Variants in CDKL4 observed in about 807,000 individuals in gnomAD.
CDKL4 encodes cyclin-dependent kinase-like 4.
In CDKL4, 44 loss-of-function variants were observed where a neutral mutation model predicts 42.0. The observed-to-expected ratio is 1.05, with a 90% CI of 0.82 to 1.35. CDKL4 has a LOEUF of 1.35. CDKL4 is among the 40% of genes most tolerant of loss of function. The pLI is 0.00. For missense variants in CDKL4, 393 were observed against 369.9 expected (o/e 1.06, Z -0.51); for synonymous variants, 120 against 121.6 (o/e 0.99, Z 0.09).
At chr2:39,169,172 TC>T in the CDKL4 span, among the ~76,000 whole-genome samples, 1 of 152,238 alleles carries the variant, frequency 6.6e-6, no homozygotes, top group African/African-American at 2.4e-5. Context: ...TAAATGTTCT[TC>T]CTTGATGATA....
intron 4 of CDKL4, 96 bp downstream of exon 4, chr2:39,213,304 C>T: frequency 1.2e-6 from 1 of 803,152 alleles, no homozygotes; most frequent in Non-Finnish European, 2.0e-6. Context: ...TCTTACTTTC[C>T]CTTTGTCTTC....
At chr2:39,203,399 T>C (rs1676973046) in intron 5 of CDKL4, among the ~76,000 whole-genome samples, 4 of 151,964 alleles carry the variant, frequency 2.6e-5, no homozygotes. Flanking sequence ...TGTAGGTTTT[T>C]TCACTTATTT....
chr2:39,206,263 A>C (rs1677182112), intron 4 of CDKL4, among the ~76,000 whole-genome samples: 1 of 152,072 alleles, frequency 6.6e-6, no homozygotes, highest in Non-Finnish European at 1.5e-5. Context: ...TATTTTTAGT[A>C]GAGGCTGGTT....
chr2:39,197,985 C>T (rs1230978337), intron 5 of CDKL4, among the ~76,000 whole-genome samples: 1 of 152,054 alleles, frequency 6.6e-6, no homozygotes, highest in Non-Finnish European at 1.5e-5. Flanking sequence ...TACCTCACAT[C>T]TCAATACTGA....
chr2:39,196,855 C>A (rs1160041716), intron 5 of CDKL4, among the ~76,000 whole-genome samples: 1 of 152,212 alleles, frequency 6.6e-6, no homozygotes, highest in Admixed American at 6.5e-5. Context: ...TATCTGCCCA[C>A]CTTGGCCTCC....
rs552613926 is a variant in CDKL4 at position 39,216,797 on chromosome 2, C to T, written c.291-3325G>A. On this transcript the variant is annotated intron_variant, in intron 3 of 9. Transcript: ENST00000451199. ...GGGCTAGGATTGAGAAACTGCAAAA[C>T]GCCAATTACTAGCCTTAATAACAGG... Among the ~76,000 whole-genome samples the T allele has an allele frequency of 2.4e-4, 36 of 152,176 alleles. No homozygotes were observed. In the South Asian group the frequency reaches 5.6e-3, roughly 24 times the overall value.
At chr2:39,182,730 G>C (rs2148284883) in intron 8 of CDKL4, among the ~76,000 whole-genome samples, 1 of 152,334 alleles carries the variant, frequency 6.6e-6, no homozygotes, top group Admixed American at 6.5e-5. Context: ...TGGACCAGCT[G>C]AAGCTGATAT....
intron 5 of CDKL4, among the ~76,000 whole-genome samples, chr2:39,196,549 A>C (rs1486161313): frequency 6.6e-6 from 1 of 152,224 alleles, no homozygotes; most frequent in East Asian, 1.9e-4. Context: ...CTTCCCTCTG[A>C]CATAGTCTAC....
downstream of CDKL4, among the ~76,000 whole-genome samples, chr2:39,173,965 C>T (rs928897923): frequency 1.3e-5 from 2 of 151,442 alleles, no homozygotes; most frequent in African/African-American, 4.9e-5. Flanking sequence ...GTGACAGAGT[C>T]AGACCCTGTC....
At chr2:39,188,818 T>G (rs1675998929) in intron 6 of CDKL4, among the ~76,000 whole-genome samples, 2 of 152,012 alleles carry the variant, frequency 1.3e-5, no homozygotes, top group African/African-American at 4.8e-5. Context: ...GCCTCCCGAG[T>G]AGCTGGAACT....
intron 7 of CDKL4, among the ~76,000 whole-genome samples, chr2:39,186,747 CT>C (rs1008636899): frequency 3.3e-5 from 5 of 151,288 alleles, no homozygotes; most frequent in South Asian, 2.1e-4. Context: ...ATTTTAAATG[CT>C]TTTTTTTTCA....
intron 1 of CDKL4, among the ~76,000 whole-genome samples, chr2:39,243,354 A>G (rs1415273834): frequency 6.6e-6 from 1 of 152,218 alleles, no homozygotes; most frequent in East Asian, 1.9e-4. Flanking sequence ...TTTCAAAAGT[A>G]CACACACCTG....
At chr2:39,231,954 T>C (rs921082030) in intron 1 of CDKL4, among the ~76,000 whole-genome samples, 8 of 152,226 alleles carry the variant, frequency 5.3e-5, no homozygotes, top group Admixed American at 4.6e-4. Flanking sequence ...TATAAAACTT[T>C]ATAGATTTGT....
the CDKL4 span, among the ~76,000 whole-genome samples, chr2:39,169,424 A>G: frequency 6.6e-6 from 1 of 152,166 alleles, no homozygotes; most frequent in Non-Finnish European, 1.5e-5. Flanking sequence ...GCAAGCAAGG[A>G]AGACAGAGAT....
chr2:39,196,024 C>T (rs927907725), intron 5 of CDKL4, among the ~76,000 whole-genome samples: 32 of 152,290 alleles, frequency 2.1e-4, no homozygotes, highest in African/African-American at 7.7e-4. Context: ...CCACTGCAGG[C>T]TCTGTGGGAC....
chr2:39,176,393 T>G (rs1675166728), intron 9 of CDKL4, among the ~76,000 whole-genome samples: 1 of 152,170 alleles, frequency 6.6e-6, no homozygotes, highest in African/African-American at 2.4e-5. Context: ...TACTATACAA[T>G]AATTCCAGGA....
At chr2:39,213,537 G>T in intron 3 of CDKL4, 65 bp from the exon 4 acceptor site, 1 of 1,074,188 alleles carries the variant, frequency 9.3e-7, no homozygotes, top group Non-Finnish European at 1.4e-6. Context: ...CAAGGGCTGG[G>T]AATAGAAGTG....
intron 1 of CDKL4, among the ~76,000 whole-genome samples, chr2:39,242,926 C>A (rs1161848708): frequency 6.6e-6 from 1 of 151,438 alleles, no homozygotes; most frequent in Non-Finnish European, 1.5e-5. Context: ...GGTGAAACCC[C>A]ATTTCTTCTA....
chr2:39,169,855 G>A, the CDKL4 span, among the ~76,000 whole-genome samples: 1 of 151,868 alleles, frequency 6.6e-6, no homozygotes, highest in Non-Finnish European at 1.5e-5. Context: ...CTGGAGTGCA[G>A]TGGCATGATC....
Sources: allele counts gnomAD v4.1 joint callset (sites outside exome capture counted in the v4.1 genomes callset), GRCh38; gene constraint gnomAD v4.1.1; transcripts MANE v1.5; gene names NCBI Gene and HGNC (gene_info 2026-07-23, HGNC 2026-07-21).